DMRT1: variants seen among roughly 807,000 people sequenced by gnomAD.
DMRT1 encodes the protein doublesex- and mab-3-related transcription factor 1.
A neutral mutation model predicts 32.3 loss-of-function variants in DMRT1; 7 were observed. The observed-to-expected ratio is 0.22, with a 90% CI of 0.12 to 0.41. DMRT1 has a LOEUF of 0.41. Among genes scored for constraint, DMRT1 ranks in the 10% least tolerant of loss-of-function variants. The pLI is 1.00. For missense variants in DMRT1, 625 were observed against 500.5 expected, an observed-to-expected ratio of 1.25 and a Z score of -2.37; for synonymous variants, 278 against 206.1, an observed-to-expected ratio of 1.35 and a Z score of -2.99.
chr9:867,609 C>G (rs547705840), intron 2 of DMRT1, among the ~76,000 whole-genome samples: 1 of 152,288 alleles, frequency 6.6e-6, no homozygotes, highest in African/African-American at 2.4e-5. Context: ...GGTTTAGTAA[C>G]TTCCACAAGA....
intron 3 of DMRT1, among the ~76,000 whole-genome samples, chr9:905,038 C>T (rs188482606): frequency 2.0e-5 from 3 of 152,094 alleles, no homozygotes; most frequent in Non-Finnish European, 2.9e-5. Context: ...TGAGCCCTTG[C>T]TGTGGCATGC....
intron 2 of DMRT1, among the ~76,000 whole-genome samples, chr9:866,869 G>GGA (rs1286641193): frequency 2.0e-5 from 3 of 152,170 alleles, no homozygotes; most frequent in African/African-American, 4.8e-5. Context: ...AGTTACAGGA[G>GGA]GAAGGAGTAA....
At chr9:887,736 A>C (rs557195826) in intron 2 of DMRT1, among the ~76,000 whole-genome samples, 2 of 152,014 alleles carry the variant, frequency 1.3e-5, no homozygotes, top group East Asian at 3.9e-4. Context: ...CTTTTCTGAC[A>C]CCTCTCTATA....
intron 3 of DMRT1, among the ~76,000 whole-genome samples, chr9:913,275 C>T (rs565121580): frequency 1.3e-5 from 2 of 152,164 alleles, no homozygotes; most frequent in Non-Finnish European, 2.9e-5. Context: ...ATGTGACAAA[C>T]TCAGCCCCCA....
intron 2 of DMRT1, among the ~76,000 whole-genome samples, chr9:861,052 T>G (rs1382717116): frequency 2.8e-5 from 1 of 35,140 alleles, no homozygotes; most frequent in African/African-American, 4.3e-4. Flanking sequence ...TTTACTTTCT[T>G]TTTTTTTTTT....
intron 2 of DMRT1, among the ~76,000 whole-genome samples, chr9:874,634 C>T (rs1237438854): frequency 1.3e-5 from 2 of 151,998 alleles, no homozygotes; most frequent in African/African-American, 4.8e-5. Context: ...AGCAGTACCC[C>T]TTTCTTCAAA....
At chr9:916,644 A>T in intron 3 of DMRT1, 119 bp from the exon 4 acceptor site, 1 of 1,260,498 alleles carries the variant, frequency 7.9e-7, no homozygotes, top group Admixed American at 1.7e-5. Flanking sequence ...GGTGTCGGGA[A>T]CATAGGCATG....
At chr9:880,653 G>A (rs1342852646) in intron 2 of DMRT1, among the ~76,000 whole-genome samples, 1 of 149,838 alleles carries the variant, frequency 6.7e-6, no homozygotes, top group African/African-American at 2.5e-5. Context: ...TTGAACCTGG[G>A]AGGCAGAGGT....
At chr9:936,787 C>T (rs1205962495) in intron 4 of DMRT1, among the ~76,000 whole-genome samples, 1 of 151,000 alleles carries the variant, frequency 6.6e-6, no homozygotes, top group Non-Finnish European at 1.5e-5. Flanking sequence ...TTCAAGGAAG[C>T]CCTGATAATC....
intron 4 of DMRT1, among the ~76,000 whole-genome samples, chr9:964,914 G>C (rs1253287937): frequency 6.6e-6 from 1 of 152,188 alleles, no homozygotes; most frequent in East Asian, 1.9e-4. Flanking sequence ...CTAGGAGTTA[G>C]CATTTTTACA....
At chr9:954,029 G>C (rs1819515600) in intron 4 of DMRT1, among the ~76,000 whole-genome samples, 1 of 152,144 alleles carries the variant, frequency 6.6e-6, no homozygotes, top group South Asian at 2.1e-4. Flanking sequence ...TTTGAGTTGA[G>C]TGTTAAGCTG....
At chr9:901,911 C>T (rs908000284) in intron 3 of DMRT1, among the ~76,000 whole-genome samples, 129 of 114,316 alleles carry the variant, frequency 1.1e-3, no homozygotes, top group Admixed American at 3.7e-3. Context: ...GAAACTAGCC[C>T]TTTTTTTTTT....
At chr9:871,777 C>G (rs984316600) in intron 2 of DMRT1, among the ~76,000 whole-genome samples, 10 of 151,090 alleles carry the variant, frequency 6.6e-5, no homozygotes, top group Non-Finnish European at 1.3e-4. Flanking sequence ...CCTGGCCGGC[C>G]TAGTCTTTGA....
rs372008322 is a variant in DMRT1 at position 861,978 on chromosome 9, C to T, written c.538+14835C>T. 5.1e-4 allele frequency among the ~76,000 whole-genome samples: 77 copies of T among 150,614 alleles called. 1 individual carries two copies. Among genetic ancestry groups the T allele is most frequent in the South Asian group, 5.1e-3 (24 of 4,752 alleles). ...GCAGAGACGCTCCTCACTTCCTAGACGGGATGACGGCCGGGAAGAGGTGCT... is the reference window on the plus strand; with the variant it reads ...GCAGAGACGCTCCTCACTTCCTAGATGGGATGACGGCCGGGAAGAGGTGCT... On this transcript the variant is annotated intron_variant, in intron 2 of 4. Transcript: ENST00000382276.
chr9:955,576 C>T (rs545084296), intron 4 of DMRT1, among the ~76,000 whole-genome samples: 63 of 152,214 alleles, frequency 4.1e-4, no homozygotes, highest in African/African-American at 1.5e-3. Context: ...CATGATAGTG[C>T]ATGCCTGTAG....
Position 846,974 on chromosome 9 carries a change from G to A in DMRT1, c.369G>A (p.Arg123=). ...RVMAAQVALR[R]QQAQEEELGI... ...TGTGCTTCCAGGTGGCCCTGAGAAG[G>A]CAGCAGGCCCAGGAGGAGGAATTGG... The change falls in exon 2 of 5, where the codon AGG becomes AGA. Residue 123 remains arginine, a synonymous_variant. Coordinates refer to ENST00000382276, the MANE Select transcript of DMRT1 (RefSeq NM_021951.3). 3.7e-6 allele frequency: 6 copies of A among 1,614,154 alleles called. No homozygotes were observed. Among genetic ancestry groups the A allele is most frequent in the Non-Finnish European group, 5.1e-6 (6 of 1,180,030 alleles).
chr9:936,455 A>G (rs12001187), intron 4 of DMRT1, among the ~76,000 whole-genome samples: 26,350 of 151,978 alleles, frequency 0.17, 3,156 homozygotes, highest in African/African-American at 0.34. Context: ...GGCTATATTA[A>G]TAATGTCTTC....
At chr9:875,415 C>G (rs1487166423) in intron 2 of DMRT1, among the ~76,000 whole-genome samples, 1 of 152,146 alleles carries the variant, frequency 6.6e-6, no homozygotes, top group African/African-American at 2.4e-5. Flanking sequence ...ACCCTCCCCA[C>G]AGAGATTTTC....
At position 959,644 on chromosome 9, in the gene DMRT1, C is replaced by A. The variant is rs140706580; in HGVS notation, c.968-8341C>A. ...CTGGGTTGAAGCGATTCTCCTGCCT[C>A]AGCCTCCCGAGTAGCTGGGATTACA... On this transcript the variant is annotated intron_variant, in intron 4 of 4. Coordinates refer to ENST00000382276, the MANE Select transcript of DMRT1 (RefSeq NM_021951.3). 3.7e-3 allele frequency among the ~76,000 whole-genome samples: 561 copies of A among 152,332 alleles called. 2 individuals are homozygous for A. Among genetic ancestry groups the A allele is most frequent in the African/African-American group, 0.012 (516 of 41,570 alleles).
Sources: gnomAD v4.1 joint callset for allele counts (sites outside exome capture counted in the v4.1 genomes callset) on GRCh38, gnomAD v4.1.1 for gene constraint, MANE v1.5 for transcripts, NCBI Gene and HGNC (gene_info 2026-07-23, HGNC 2026-07-21) for gene names.